KIF1A: variants seen among roughly 807,000 people sequenced by gnomAD.
KIF1A encodes the protein kinesin-like protein KIF1A.
A neutral mutation model predicts 227.3 loss-of-function variants in KIF1A; 46 were observed. The observed-to-expected ratio is 0.20, with a 90% CI of 0.16 to 0.26. The LOEUF is 0.26. Among genes scored for constraint, KIF1A ranks in the 10% least tolerant of loss-of-function variants. KIF1A has a pLI of 1.00. For synonymous variants in KIF1A, 1,022 were observed against 1,012.8 expected, an observed-to-expected ratio of 1.01 and a Z score of -0.17; for missense variants, 1,683 against 2,485.9, an observed-to-expected ratio of 0.68 and a Z score of 6.87.
chr2:240,747,013 G>A (rs767029760), intron 29 of KIF1A, among the ~76,000 whole-genome samples: 26 of 152,194 alleles, frequency 1.7e-4, no homozygotes, highest in Non-Finnish European at 2.5e-4. Flanking sequence ...TGGAGCGGCC[G>A]TGGTGGGAGA....
chr2:240,745,309 G>T, intron 32 of KIF1A, 118 bp downstream of exon 32: 1 of 825,528 alleles, frequency 1.2e-6, no homozygotes, highest in Non-Finnish European at 2.0e-6. Context: ...AGTTCCCGGT[G>T]CACAAGGCAG....
Position 240,772,938 on chromosome 2 carries a change from G to C in KIF1A, c.1180+176C>G, listed in dbSNP as rs981495075. ...CCCAGAGGCATTTCTGCCCAGGAAC[G>C]TGGAGCAGGGACAGGGATTTGGCCC... On this transcript the variant is annotated intron_variant, in intron 13 of 48. Transcript: ENST00000498729. 4.5e-4 allele frequency among the ~76,000 whole-genome samples: 68 copies of C among 152,322 alleles called. 1 individual carries two copies. Among genetic ancestry groups the C allele is most frequent in the Admixed American group, 4.4e-3 (68 of 15,310 alleles).
chr2:240,789,298 T>G lies in KIF1A; in HGVS notation c.121A>C (p.Lys41Gln). Residue 41 changes from lysine (K) to glutamine (Q), a missense_variant, in exon 3 of 49, where the codon AAA becomes CAA. Transcript: ENST00000498729. The surrounding 1 kb of genome is among the most constrained non-coding windows in gnomAD (Gnocchi z 4.8). ...CTTTTGGGCGTCTCCTTGGGCTGTTTGGGGTTAACAATGGCTGTGGGAGGG... is the reference window on the plus strand; with the variant it reads ...CTTTTGGGCGTCTCCTTGGGCTGTTGGGGGTTAACAATGGCTGTGGGAGGG... Reference protein sequence around the residue: ...SGSTTTIVNPKQPKETPKSFS... With the variant: ...SGSTTTIVNPQQPKETPKSFS... 6.2e-7 allele frequency: 1 copy of G among 1,613,814 alleles called. No homozygotes were observed. Among genetic ancestry groups the G allele is most frequent in the African/African-American group, 1.3e-5 (1 of 75,052 alleles).
chr2:240,717,777 G>A (rs1027088124), intron 48 of KIF1A, among the ~76,000 whole-genome samples: 1 of 152,220 alleles, frequency 6.6e-6, no homozygotes, highest in African/African-American at 2.4e-5. Context: ...ATAGCCCTAA[G>A]GGCATCCCCA....
Position 240,807,114 on chromosome 2 carries a change from G to GTA in KIF1A, c.-60-9303_-60-9302insTA, listed in dbSNP as rs1331032558. Among the ~76,000 whole-genome samples the GTA allele has an allele frequency of 4.1e-3, 569 of 139,208 alleles. 25 individuals are homozygous for GTA. In the East Asian group the frequency reaches 0.085, roughly 21 times the overall value. 91.3% of individuals were successfully genotyped at this position (139,208 alleles called of 152,430 possible). ...TGTGTGTGTGTGTGTGTGTGTGTGT[G>GTA]TGTGTGTGTGTGTGTGTATATATAT... On this transcript the variant is annotated intron_variant, in intron 1 of 48. Coordinates refer to ENST00000498729, the MANE Select transcript of KIF1A (RefSeq NM_001244008.2).
In KIF1A at chr2:240,717,055, T is replaced by C. The variant is rs2044653230; in HGVS notation, c.*309A>G. On this transcript the variant is annotated 3_prime_UTR_variant, in exon 49 of 49. Transcript: ENST00000498729. ...AACTAACGTATATTAATTATAAGTCTGTCTATGCTTAAAAAAATATTAGAA... is the reference window on the plus strand; with the variant it reads ...AACTAACGTATATTAATTATAAGTCCGTCTATGCTTAAAAAAATATTAGAA... 2.6e-6 allele frequency: 1 copy of C among 389,454 alleles called. No individual in the cohort carries two copies. The highest frequency in any genetic ancestry group is 4.1e-5 in the Admixed American group (1 of 24,106). The allele number at this position is 389,454 out of a possible 1,614,324, so 24.1% of individuals were successfully genotyped here.
In KIF1A at chr2:240,755,016, C is replaced by CCTGCTCTCT. The variant is rs1321400645; in HGVS notation, c.2858+2294_2858+2302dup. Among the ~76,000 whole-genome samples, 3 of 152,322 alleles carry CCTGCTCTCT rather than the reference C, an allele frequency of 2.0e-5. No homozygotes were observed. The East Asian group carries it at 5.8e-4, about 29-fold the overall frequency. Reference sequence around the variant, plus strand: ...TTATCCCAGGCAGTCAGCCTCTCGCCCTGCTCTCTCTGCAGCTCCTGTGCC... The same window carrying CCTGCTCTCT: ...TTATCCCAGGCAGTCAGCCTCTCGCCCTGCTCTCTCTGCTCTCTCTGCAGCTCCTGTGCC... On this transcript the variant is annotated intron_variant, in intron 27 of 48. Coordinates refer to ENST00000498729, the MANE Select transcript of KIF1A (RefSeq NM_001244008.2).
chr2:240,761,087 G>T, intron 24 of KIF1A, 142 bp downstream of exon 24: 2 of 1,084,440 alleles, frequency 1.8e-6, no homozygotes, highest in Non-Finnish European at 2.7e-6. Flanking sequence ...CACCCTTCTG[G>T]GGGGCCAGGT....
At chr2:240,728,850 G>A (rs1012336128) in intron 38 of KIF1A, among the ~76,000 whole-genome samples, 5 of 152,230 alleles carry the variant, frequency 3.3e-5, no homozygotes, top group African/African-American at 9.6e-5. Context: ...GTGGCCTCAG[G>A]ATGTCACCAA....
In KIF1A at chr2:240,778,535, C is replaced by T. The variant is rs867695743; in HGVS notation, c.883-2609G>A. Among the ~76,000 whole-genome samples the T allele has an allele frequency of 1.3e-5, 2 of 151,490 alleles. No individual in the cohort carries two copies. On this transcript the variant is annotated intron_variant, in intron 10 of 48. Transcript: ENST00000498729. The surrounding 1 kb of genome is among the most constrained non-coding windows in gnomAD (Gnocchi z 7.2). ...TTACACACACACACACACACACACA[C>T]ACACACACAGGCTTCTCAGTGTCCC...
chr2:240,744,893 G>A (rs1252311065), intron 32 of KIF1A, among the ~76,000 whole-genome samples: 3 of 152,004 alleles, frequency 2.0e-5, no homozygotes, highest in African/African-American at 2.4e-5. Context: ...CCTTATCACC[G>A]TTAGGCACTC....
intron 17 of KIF1A, among the ~76,000 whole-genome samples, chr2:240,768,860 T>C (rs2051550816): frequency 6.6e-6 from 1 of 152,302 alleles, no homozygotes; most frequent in Middle Eastern, 3.4e-3. Context: ...AGCCTTGCTC[T>C]GACCTTGGAG....
At chr2:240,804,058 G>A (rs1429585550) in intron 1 of KIF1A, among the ~76,000 whole-genome samples, 1 of 152,198 alleles carries the variant, frequency 6.6e-6, no homozygotes, top group Non-Finnish European at 1.5e-5. Context: ...ACAAGGTTAG[G>A]AGGTTGAGAC....
intron 7 of KIF1A, 71 bp downstream of exon 7, chr2:240,784,918 C>G: frequency 7.7e-7 from 1 of 1,299,000 alleles, no homozygotes; most frequent in Non-Finnish European, 1.1e-6. Flanking sequence ...CCCCACTGGC[C>G]TGACCACCAC....
intron 38 of KIF1A, among the ~76,000 whole-genome samples, chr2:240,730,262 C>G (rs1289282580): frequency 6.6e-6 from 1 of 152,166 alleles, no homozygotes; most frequent in East Asian, 1.9e-4. Context: ...CCAGTTGGGG[C>G]CCACCGGGCT....
At chr2:240,786,279 CG>C (rs1206305562) in intron 6 of KIF1A, 55 bp downstream of exon 6, 1 of 1,551,278 alleles carries the variant, frequency 6.4e-7, no homozygotes, top group African/African-American at 1.4e-5. Flanking sequence ...GGGCTTCCTC[CG>C]GGGAGAGGCG....
In KIF1A at chr2:240,719,133, C is replaced by T. The variant is rs756912340; in HGVS notation, c.5087G>A (p.Arg1696His). The change falls in exon 47 of 49, where the codon CGC becomes CAC. Residue 1696 changes from arginine (R) to histidine (H), a missense_variant. Arg to His is a conservative substitution (Grantham distance 29, BLOSUM62 0). Around this residue, in one of 12 missense-constraint regions of KIF1A, gnomAD observed 384 missense variants for 410.1 expected, o/e 0.94. Transcript: ENST00000498729. ...ATAGGGGCGCCGCACCACCACGAAG[C>T]GCCTGGCCCAGCCTGACGTGTGCGG... ...LEPHTSGWAR[R>H]FVVVRRPYAY... 7.8e-5 allele frequency: 126 copies of T among 1,612,412 alleles called. No homozygotes were observed. The highest frequency in any genetic ancestry group is 1.6e-4 in the Middle Eastern group (1 of 6,082).
In KIF1A at chr2:240,719,134, G is replaced by T. The variant is rs772521110; in HGVS notation, c.5086C>A (p.Arg1696Ser). The T allele has an allele frequency of 2.0e-5, 33 of 1,612,348 alleles. No homozygotes were observed. The highest frequency in any genetic ancestry group is 5.0e-5 in the Admixed American group (3 of 59,970). Residue 1696 changes from arginine (R) to serine (S), a missense_variant, in exon 47 of 49, where the codon CGC becomes AGC. By Grantham distance (110) the Arg-to-Ser change is moderately radical. Coordinates refer to ENST00000498729, the MANE Select transcript of KIF1A (RefSeq NM_001244008.2). ...LEPHTSGWAR[R>S]FVVVRRPYAY... Reference sequence around the variant, plus strand: ...TAGGGGCGCCGCACCACCACGAAGCGCCTGGCCCAGCCTGACGTGTGCGGC... The same window carrying T: ...TAGGGGCGCCGCACCACCACGAAGCTCCTGGCCCAGCCTGACGTGTGCGGC...
intron 48 of KIF1A, 85 bp from the exon 49 acceptor site, chr2:240,717,491 C>T (rs964200437): frequency 1.7e-5 from 22 of 1,272,164 alleles, no homozygotes; most frequent in South Asian, 7.5e-5. Flanking sequence ...GGCAGGCAGC[C>T]GTGAGGGGCA....
Sources: allele counts gnomAD v4.1 joint callset (sites outside exome capture counted in the v4.1 genomes callset), GRCh38; gene constraint gnomAD v4.1.1; regional missense constraint gnomAD v4.1.1; non-coding constraint Gnocchi (gnomAD v3.1); transcripts MANE v1.5; gene names NCBI Gene and HGNC (gene_info 2026-07-23, HGNC 2026-07-21).